PLEKHH1: variants seen among roughly 807,000 people sequenced by gnomAD.
The protein encoded by PLEKHH1 is pleckstrin homology, MyTH4 and FERM domain containing H1, also known as pleckstrin homology domain-containing family H member 1.
In PLEKHH1, 104 loss-of-function variants were observed where a neutral mutation model predicts 160.0. That is an observed-to-expected ratio of 0.65 (90% confidence interval 0.55 to 0.76). PLEKHH1 has a LOEUF of 0.76. Ranked by LOEUF, PLEKHH1 falls within the 30% of genes least tolerant of loss-of-function variation. The probability of loss-of-function intolerance (pLI) is 0.00; values close to 1 mark genes in which losing one functional copy is unlikely to be tolerated. For missense variants in PLEKHH1, 1,427 were observed against 1,724.1 expected, an observed-to-expected ratio of 0.83 and a Z score of 3.05; for synonymous variants, 619 against 678.4, an observed-to-expected ratio of 0.91 and a Z score of 1.36.
intron 28 of PLEKHH1, 122 bp from the exon 29 acceptor site, chr14:67,586,948 AGGTG>A: frequency 6.5e-7 from 1 of 1,544,576 alleles, no homozygotes; most frequent in South Asian, 1.2e-5. Context: ...ATTTTCTCCC[AGGTG>A]GGTATTTTAA....
chr14:67,578,340 G>A lies in PLEKHH1; in HGVS notation c.2751+141G>A, dbSNP rs1200025981. 1.9e-5 allele frequency: 15 copies of A among 804,554 alleles called. No homozygotes were observed. Among genetic ancestry groups the A allele is most frequent in the African/African-American group, 1.2e-4 (7 of 59,462 alleles). The allele number at this position is 804,554 out of a possible 1,614,324, so 49.8% of individuals were successfully genotyped here. A position where few individuals can be genotyped will look rare whatever the true frequency, so the allele number is the denominator to read the frequency against. ...TCTGTGCTCCAAGCTGCATCAGTACGGCTGAGCTGTCTATGCACAGATGGG... is the reference window on the plus strand; with the variant it reads ...TCTGTGCTCCAAGCTGCATCAGTACAGCTGAGCTGTCTATGCACAGATGGG... On this transcript the variant is annotated intron_variant, in intron 19 of 28. Transcript: ENST00000329153. This position sits in a 1 kb window ranked among gnomAD's most constrained non-coding sequence, Gnocchi z 5.0.
At chr14:67,586,917 C>T in intron 28 of PLEKHH1, 157 bp from the exon 29 acceptor site, 1 of 1,538,816 alleles carries the variant, frequency 6.5e-7, no homozygotes, top group Non-Finnish European at 8.7e-7. Context: ...CTGAACAGCA[C>T]AGTTATGATT....
At chr14:67,577,475 G>T (rs1594785967) in intron 18 of PLEKHH1, 61 bp downstream of exon 18, 1 of 1,109,770 alleles carries the variant, frequency 9.0e-7, no homozygotes, top group Non-Finnish European at 1.3e-6. Flanking sequence ...GGTGGAGAAG[G>T]CCTGTGCAGT....
At chr14:67,538,881 T>C (rs2033852766) in intron 1 of PLEKHH1, among the ~76,000 whole-genome samples, 1 of 152,164 alleles carries the variant, frequency 6.6e-6, no homozygotes, top group Non-Finnish European at 1.5e-5. Flanking sequence ...ATCTCAGATA[T>C]CAGGGCTAGG....
intron 2 of PLEKHH1, among the ~76,000 whole-genome samples, chr14:67,552,766 C>CA (rs34079106): frequency 0.58 from 81,473 of 141,232 alleles, 23,707 homozygotes; most frequent in Non-Finnish European, 0.64. Flanking sequence ...GACTCTGTCT[C>CA]AAAAAAAAAA....
In PLEKHH1 at chr14:67,582,091, A is replaced by C; in HGVS notation, c.3307A>C (p.Lys1103Gln). 5.0e-6 allele frequency: 8 copies of C among 1,612,240 alleles called. No individual in the cohort carries two copies. The highest frequency in any genetic ancestry group is 1.3e-5 in the African/African-American group (1 of 75,002). ...TAGGCTGTACTTTCGCAGTCAAGTCAAAGGGGAGACGGACCGAGAACGGCT... is the reference window on the plus strand; with the variant it reads ...TAGGCTGTACTTTCGCAGTCAAGTCCAAGGGGAGACGGACCGAGAACGGCT... ...KNRLYFRSQV[K>Q]GETDRERLLL... is the part of the protein sequence containing the mutation. Residue 1103 changes from lysine to glutamine, a missense_variant, in exon 24 of 29, where the codon AAA (lysine) becomes CAA (glutamine). This residue lies in a region of PLEKHH1 where 436 missense variants were observed against 607.5 expected (regional missense o/e 0.72). Coordinates refer to ENST00000329153, the MANE Select transcript of PLEKHH1 (RefSeq NM_020715.3). This position sits in a 1 kb window ranked among gnomAD's most constrained non-coding sequence, Gnocchi z 5.0.
At chr14:67,534,640 G>T (rs1180104470) in intron 1 of PLEKHH1, among the ~76,000 whole-genome samples, 2 of 152,118 alleles carry the variant, frequency 1.3e-5, no homozygotes, top group African/African-American at 4.8e-5. Flanking sequence ...TGCTGAGGGG[G>T]CCTGCTCAGA....
rs1184841937 is a variant in PLEKHH1 at position 67,576,868 on chromosome 14, C to T, written c.2461+365C>T. Among the ~76,000 whole-genome samples the T allele has an allele frequency of 6.6e-6, 1 of 152,166 alleles. No homozygotes were observed. The highest frequency in any genetic ancestry group is 2.1e-4 in the South Asian group (1 of 4,828). ...GAAGCCTAAATTGGGATCGGACTAACCTGTTTGGAGTCTTTCTTTTGCTAC... is the reference window on the plus strand; with the variant it reads ...GAAGCCTAAATTGGGATCGGACTAATCTGTTTGGAGTCTTTCTTTTGCTAC... On this transcript the variant is annotated intron_variant, in intron 17 of 28. Coordinates refer to ENST00000329153, the MANE Select transcript of PLEKHH1 (RefSeq NM_020715.3). This position sits in a 1 kb window ranked among gnomAD's most constrained non-coding sequence, Gnocchi z 4.0.
At chr14:67,537,217 AC>A (rs1265529364) in intron 1 of PLEKHH1, among the ~76,000 whole-genome samples, 6 of 101,608 alleles carry the variant, frequency 5.9e-5, no homozygotes, top group Non-Finnish European at 1.2e-4. Context: ...GGTGGCATCC[AC>A]CTGTAATCCC....
At chr14:67,565,666 G>A (rs1021498320) in intron 7 of PLEKHH1, among the ~76,000 whole-genome samples, 1 of 152,164 alleles carries the variant, frequency 6.6e-6, no homozygotes, top group African/African-American at 2.4e-5. Flanking sequence ...ATGCTGCTGG[G>A]GTGTGTAGCA....
At chr14:67,567,703 C>G (rs2035173408) in intron 7 of PLEKHH1, among the ~76,000 whole-genome samples, 1 of 152,132 alleles carries the variant, frequency 6.6e-6, no homozygotes, top group Non-Finnish European at 1.5e-5. Context: ...TGCTGCTCCC[C>G]TCTGGGATGA....
rs2035938761 is a variant in PLEKHH1, at chr14:67,582,265, A to AC, written c.3426+57dup. 6.2e-7 allele frequency: 1 copy of AC among 1,611,444 alleles called. No individual in the cohort carries two copies. The highest frequency in any genetic ancestry group is 8.5e-7 in the Non-Finnish European group (1 of 1,179,312). ...CGGGTTGCCAGCTTAGAATGAATGCACCATGCAGCCTGAAACACAGGAGAG... is the reference window on the plus strand; with the variant it reads ...CGGGTTGCCAGCTTAGAATGAATGCACCCATGCAGCCTGAAACACAGGAGAG... On this transcript the variant is annotated intron_variant, in intron 24 of 28. Coordinates refer to ENST00000329153, the MANE Select transcript of PLEKHH1 (RefSeq NM_020715.3). The surrounding 1 kb of genome is among the most constrained non-coding windows in gnomAD (Gnocchi z 5.0).
At position 67,578,504 on chromosome 14, in the gene PLEKHH1, C is replaced by T. The variant is rs776858102; in HGVS notation, c.2752-30C>T. ...GACAGGTGGTGCTGTAGGCCCAGCA[C>T]TCACCCCACGCTGTCTGTGTCCCTG... On this transcript the variant is annotated intron_variant, in intron 19 of 28. Transcript: ENST00000329153. The surrounding 1 kb of genome is among the most constrained non-coding windows in gnomAD (Gnocchi z 5.0). The T allele has an allele frequency of 4.1e-6, 6 of 1,481,132 alleles. No homozygotes were observed. Among genetic ancestry groups the T allele is most frequent in the Non-Finnish European group, 5.6e-6 (6 of 1,067,768 alleles). 91.7% of individuals were successfully genotyped at this position (1,481,132 alleles called of 1,614,324 possible). A position where few individuals can be genotyped will look rare whatever the true frequency, so the allele number is the denominator to read the frequency against.
chr14:67,559,578 G>C, intron 4 of PLEKHH1, 30 bp from the exon 5 acceptor site: 1 of 1,479,888 alleles, frequency 6.8e-7, no homozygotes, highest in Non-Finnish European at 9.3e-7. Flanking sequence ...TGATTGTTGG[G>C]ATTAACGGAA....
chr14:67,579,376 G>A, intron 21 of PLEKHH1, 65 bp downstream of exon 21: 2 of 1,280,878 alleles, frequency 1.6e-6, no homozygotes, highest in Non-Finnish European at 2.1e-6. Context: ...AATACCCCTG[G>A]GCCTTAGGCT....
chr14:67,561,968 T>G lies in PLEKHH1; in HGVS notation c.438T>G (p.Asn146Lys), dbSNP rs772532865. ...TLKLAKLEME[N>K]QHLKSHNQRL... ...TTTTTGCTCAGCTTGAGATGGAGAA[T>G]CAGCATCTGAAAAGCCATAATCAGC... is the stretch of plus-strand genomic sequence containing the variant. Residue 146 changes from asparagine to lysine, a missense_variant, in exon 6 of 29, where the codon AAT becomes AAG. Physicochemically the swap from Asn to Lys is moderately conservative, Grantham distance 94. Coordinates refer to ENST00000329153, the MANE Select transcript of PLEKHH1 (RefSeq NM_020715.3). The G allele has an allele frequency of 6.2e-7, 1 of 1,613,312 alleles. No homozygotes were observed. Among genetic ancestry groups the G allele is most frequent in the Non-Finnish European group, 8.5e-7 (1 of 1,179,482 alleles).
intron 7 of PLEKHH1, among the ~76,000 whole-genome samples, chr14:67,568,323 C>G (rs1341384699): frequency 6.6e-6 from 1 of 151,682 alleles, no homozygotes; most frequent in Admixed American, 6.6e-5. Flanking sequence ...AAGCCATTAT[C>G]TTCAGCAAAC....
At chr14:67,577,178 C>T in intron 17 of PLEKHH1, 124 bp from the exon 18 acceptor site, 1 of 689,176 alleles carries the variant, frequency 1.5e-6, no homozygotes, top group Non-Finnish European at 2.5e-6. Context: ...AAACCCAGCA[C>T]AACCCAAGTG....
chr14:67,551,142 G>A (rs779071956), intron 2 of PLEKHH1, among the ~76,000 whole-genome samples: 5 of 152,094 alleles, frequency 3.3e-5, no homozygotes, highest in Non-Finnish European at 7.4e-5. Context: ...ATTAATAGTG[G>A]GCAACCTCTG....
Sources: gnomAD v4.1 joint callset for allele counts (sites outside exome capture counted in the v4.1 genomes callset) on GRCh38, gnomAD v4.1.1 for gene constraint, gnomAD v4.1.1 regional missense constraint, Gnocchi (gnomAD v3.1) non-coding constraint, MANE v1.5 for transcripts, NCBI Gene and HGNC (gene_info 2026-07-23, HGNC 2026-07-21) for gene names.